Variants in HIVEP3 observed in about 807,000 individuals in gnomAD.
The protein encoded by HIVEP3 is transcription factor HIVEP3.
In HIVEP3, 49 loss-of-function variants were observed where a neutral mutation model predicts 152.8. That is an observed-to-expected ratio of 0.32 (90% CI 0.26 to 0.41). HIVEP3 has a LOEUF of 0.41. HIVEP3 is among the 10% of genes least tolerant of loss of function. The pLI is 1.00. For synonymous variants in HIVEP3, 1,269 were observed against 1,289.0 expected (o/e 0.98, Z 0.33); for missense variants, 2,790 against 3,103.3 (o/e 0.90, Z 2.40).
upstream of HIVEP3, among the ~76,000 whole-genome samples, chr1:41,920,573 G>A (rs1175327554): frequency 9.1e-6 from 1 of 109,890 alleles, no homozygotes; most frequent in East Asian, 3.5e-4. Flanking sequence ...GTGAAAACAA[G>A]ATGGTTTTTT....
chr1:41,956,900 C>T (rs1256671956), intron 1 of HIVEP3, among the ~76,000 whole-genome samples: 1 of 152,116 alleles, frequency 6.6e-6, no homozygotes, highest in Non-Finnish European at 1.5e-5. Context: ...TTTGTCTATG[C>T]TCAGAGTGGA....
chr1:41,624,641 T>C (rs147395192), intron 3 of HIVEP3, among the ~76,000 whole-genome samples: 2 of 152,338 alleles, frequency 1.3e-5, no homozygotes, highest in Non-Finnish European at 2.9e-5. Context: ...GACAATGTAT[T>C]ATGTGGATTA....
chr1:41,563,044 G>T (rs1464221193), intron 5 of HIVEP3, among the ~76,000 whole-genome samples: 1 of 152,006 alleles, frequency 6.6e-6, no homozygotes, highest in Non-Finnish European at 1.5e-5. Flanking sequence ...GCATGGCAGG[G>T]GTGCCATAAA....
chr1:41,575,960 T>C (rs748509848), intron 4 of HIVEP3, among the ~76,000 whole-genome samples: 2 of 152,210 alleles, frequency 1.3e-5, no homozygotes, highest in Non-Finnish European at 2.9e-5. Flanking sequence ...AAGACCTGTG[T>C]TTGTTCTCTG....
At chr1:42,019,236 T>G (rs1461228462) in intron 1 of HIVEP3, among the ~76,000 whole-genome samples, 1 of 152,040 alleles carries the variant, frequency 6.6e-6, no homozygotes, top group East Asian at 1.9e-4. Flanking sequence ...CCCTTTTCTT[T>G]TCCATGCAGA....
chr1:41,628,155 C>G (rs1433813617), intron 3 of HIVEP3, among the ~76,000 whole-genome samples: 1 of 152,224 alleles, frequency 6.6e-6, no homozygotes, highest in Non-Finnish European at 1.5e-5. Context: ...ATTTCGGGAG[C>G]TGGGGCCCTG....
At chr1:41,756,445 G>A (rs1647311726) in intron 1 of HIVEP3, among the ~76,000 whole-genome samples, 1 of 152,184 alleles carries the variant, frequency 6.6e-6, no homozygotes, top group South Asian at 2.1e-4. Context: ...ACCACGGATT[G>A]ATTCCTGGTT....
At chr1:41,744,828 C>T (rs1647049136) in intron 1 of HIVEP3, among the ~76,000 whole-genome samples, 1 of 152,100 alleles carries the variant, frequency 6.6e-6, no homozygotes. Flanking sequence ...TCTAACCTGC[C>T]AGGTGCTTCC....
chr1:41,983,614 A>T (rs1431805101), intron 1 of HIVEP3, among the ~76,000 whole-genome samples: 2 of 152,042 alleles, frequency 1.3e-5, no homozygotes, highest in Non-Finnish European at 2.9e-5. Flanking sequence ...AAACAGTCAT[A>T]CCTAAGCCAA....
chr1:41,676,805 G>A (rs1216759433), intron 2 of HIVEP3, among the ~76,000 whole-genome samples: 1 of 152,178 alleles, frequency 6.6e-6, no homozygotes. Flanking sequence ...CAATCGCGCA[G>A]TGACCCAGGA....
intron 5 of HIVEP3, among the ~76,000 whole-genome samples, chr1:41,541,230 T>C (rs1643524150): frequency 6.6e-6 from 1 of 152,208 alleles, no homozygotes; most frequent in Admixed American, 6.5e-5. Flanking sequence ...ATGGTTTTAC[T>C]ATTACACCTC....
At chr1:41,992,278 G>T (rs940434891) in intron 1 of HIVEP3, among the ~76,000 whole-genome samples, 16 of 152,210 alleles carry the variant, frequency 1.1e-4, no homozygotes, top group African/African-American at 3.9e-4. Context: ...ATCTCCTTAA[G>T]CGATAAGCAA....
chr1:42,017,770 G>A (rs570953156), intron 1 of HIVEP3, among the ~76,000 whole-genome samples: 1 of 152,054 alleles, frequency 6.6e-6, no homozygotes, highest in East Asian at 1.9e-4. Context: ...ACATTTGTTT[G>A]TCATATACCT....
intron 3 of HIVEP3, among the ~76,000 whole-genome samples, chr1:41,616,535 G>A (rs1218651328): frequency 6.6e-6 from 1 of 151,774 alleles, no homozygotes; most frequent in Non-Finnish European, 1.5e-5. Flanking sequence ...GCTGCTCTCA[G>A]GAGGCCACTC....
intron 2 of HIVEP3, among the ~76,000 whole-genome samples, chr1:41,646,731 G>A (rs987282035): frequency 1.3e-5 from 2 of 152,188 alleles, no homozygotes; most frequent in African/African-American, 4.8e-5. Context: ...CCTCCCTGTT[G>A]TACTGCATAC....
At chr1:41,660,308 ACT>A (rs1645694100) in intron 2 of HIVEP3, among the ~76,000 whole-genome samples, 2 of 152,236 alleles carry the variant, frequency 1.3e-5, no homozygotes, top group Non-Finnish European at 1.5e-5. Context: ...AGAGTTGGTA[ACT>A]GGTCATCACT....
intron 1 of HIVEP3, among the ~76,000 whole-genome samples, chr1:41,730,260 C>T (rs549649463): frequency 6.6e-6 from 1 of 152,362 alleles, no homozygotes; most frequent in Admixed American, 6.5e-5. Context: ...GAACCAGGAA[C>T]CTGGGCCTCT....
intron 1 of HIVEP3, among the ~76,000 whole-genome samples, chr1:41,716,436 A>G (rs1050051087): frequency 6.6e-6 from 1 of 152,212 alleles, no homozygotes; most frequent in Non-Finnish European, 1.5e-5. Context: ...CACTTCCCAC[A>G]GGCTGGGGGC....
chr1:41,769,824 G>A (rs1346780150), intron 1 of HIVEP3, among the ~76,000 whole-genome samples: 1 of 152,102 alleles, frequency 6.6e-6, no homozygotes, highest in Non-Finnish European at 1.5e-5. Flanking sequence ...GGATAAATGG[G>A]GAGAAGGGAC....
Sources: allele counts gnomAD v4.1 joint callset (sites outside exome capture counted in the v4.1 genomes callset), GRCh38; gene constraint gnomAD v4.1.1; transcripts MANE v1.5; gene names NCBI Gene and HGNC (gene_info 2026-07-23, HGNC 2026-07-21).